Variants in CELF1 observed in about 807,000 individuals in gnomAD.
CELF1 encodes the protein CUGBP Elav-like family member 1.
CELF1 carries 10 observed loss-of-function variants against 61.8 expected under a neutral mutation model. That is an observed-to-expected ratio of 0.16 (90% CI 0.10 to 0.27). CELF1 has a LOEUF of 0.27. Among genes scored for constraint, CELF1 ranks in the 10% least tolerant of loss-of-function variants. The pLI is 1.00. For missense variants in CELF1, 380 were observed against 639.1 expected, an observed-to-expected ratio of 0.59 and a Z score of 4.37; for synonymous variants, 236 against 225.1, an observed-to-expected ratio of 1.05 and a Z score of -0.43.
Position 47,484,533 on chromosome 11 carries a change from T to C in CELF1, c.392-10A>G, listed in dbSNP as rs1304943477. ...TTCCTGTCTTCCACTGCTAAGAGAGTAAAACAGAAAAGACTTGAATATTAC... is the reference window on the plus strand; with the variant it reads ...TTCCTGTCTTCCACTGCTAAGAGAGCAAAACAGAAAAGACTTGAATATTAC... On this transcript the variant is annotated splice_polypyrimidine_tract_variant and intron_variant, in intron 6 of 14. Transcript: ENST00000687097. 6 of 1,599,230 alleles carry C rather than the reference T, an allele frequency of 3.8e-6. No individual in the cohort carries two copies. The Admixed American group carries it at 1.1e-4, about 29-fold the overall frequency.
At chr11:47,551,313 A>G (rs760359315) in intron 1 of CELF1, among the ~76,000 whole-genome samples, 6 of 152,194 alleles carry the variant, frequency 3.9e-5, no homozygotes, top group Admixed American at 1.3e-4. Flanking sequence ...TGTCATGAGG[A>G]AAGAACCACT....
At chr11:47,560,379 A>G (rs2097221446) in intron 2 of CELF1, among the ~76,000 whole-genome samples, 1 of 152,186 alleles carries the variant, frequency 6.6e-6, no homozygotes, top group Admixed American at 6.6e-5. Context: ...GCGCCACTGC[A>G]CTCCAGCCTG....
At chr11:47,504,902 CAA>C (rs374401044) in intron 1 of CELF1, among the ~76,000 whole-genome samples, 53 of 107,840 alleles carry the variant, frequency 4.9e-4, no homozygotes, top group Admixed American at 5.0e-4. Flanking sequence ...ACTCTGTCAC[CAA>C]AAAAAAAAAA....
At chr11:47,474,417 G>A (rs1290186247) in intron 13 of CELF1, among the ~76,000 whole-genome samples, 2 of 152,208 alleles carry the variant, frequency 1.3e-5, no homozygotes, top group African/African-American at 4.8e-5. Context: ...TCAATCTAGA[G>A]AGACATTCTC....
intron 1 of CELF1, among the ~76,000 whole-genome samples, chr11:47,526,850 A>G: frequency 6.6e-6 from 1 of 152,088 alleles, no homozygotes; most frequent in East Asian, 1.9e-4. Flanking sequence ...CAGGAGTTCA[A>G]GACCAGCCTG....
intron 1 of CELF1, among the ~76,000 whole-genome samples, chr11:47,515,364 CTCAG>C (rs2095497817): frequency 6.6e-6 from 1 of 152,192 alleles, no homozygotes. Flanking sequence ...AACCCAAAGG[CTCAG>C]TCATTCAACC....
At chr11:47,481,025 A>G (rs1462669462) in intron 9 of CELF1, among the ~76,000 whole-genome samples, 1 of 145,426 alleles carries the variant, frequency 6.9e-6, no homozygotes, top group Non-Finnish European at 1.5e-5. Flanking sequence ...AACAACCCCA[A>G]CTCTTTATAT....
chr11:47,554,241 T>C (rs902993994), upstream of CELF1, among the ~76,000 whole-genome samples: 1 of 152,214 alleles, frequency 6.6e-6, no homozygotes, highest in African/African-American at 2.4e-5. Flanking sequence ...CCTTAAATTG[T>C]ACATGATCAT....
chr11:47,554,165 A>G (rs533218665), upstream of CELF1, among the ~76,000 whole-genome samples: 1 of 152,262 alleles, frequency 6.6e-6, no homozygotes, highest in South Asian at 2.1e-4. Context: ...AGAAGCCTCA[A>G]GGGTTTTCCT....
At chr11:47,553,726 C>G (rs186583500), upstream of CELF1, among the ~76,000 whole-genome samples, 1 of 152,040 alleles carries the variant, frequency 6.6e-6, no homozygotes, top group East Asian at 1.9e-4. Context: ...TGGCAACGAT[C>G]GCTGCGACAT....
In CELF1 at chr11:47,478,910, G is replaced by A; in HGVS notation, c.811C>T (p.Leu271Phe). Residue 271 changes from leucine to phenylalanine, a missense_variant, in exon 10 of 15, where the codon CTC becomes TTC. Coordinates refer to ENST00000687097, the MANE Select transcript of CELF1 (RefSeq NM_001376376.1). Reference sequence around the variant, plus strand: ...GGGTGGAGGCTGCTCAGGGTGTTGAGGTTCCCAGAGGAGGCAGTCTGCTGA... The same window carrying A: ...GGGTGGAGGCTGCTCAGGGTGTTGAAGTTCCCAGAGGAGGCAGTCTGCTGA... ...LLQQTASSGN[L>F]NTLSSLHPMG... is the part of the protein sequence containing the mutation. 1 of 1,613,266 alleles carries A rather than the reference G, an allele frequency of 6.2e-7. No homozygotes were observed.
At chr11:47,563,276 A>C (rs2097232445) in intron 2 of CELF1, among the ~76,000 whole-genome samples, 1 of 152,204 alleles carries the variant, frequency 6.6e-6, no homozygotes, top group Non-Finnish European at 1.5e-5. Flanking sequence ...TAAACATGTA[A>C]ATCTATACAG....
At chr11:47,519,702 T>C (rs541011548) in intron 1 of CELF1, among the ~76,000 whole-genome samples, 1 of 151,818 alleles carries the variant, frequency 6.6e-6, no homozygotes, top group South Asian at 2.1e-4. Flanking sequence ...AAACCCCTAC[T>C]GAAAATAAAA....
Position 47,489,935 on chromosome 11 carries a change from G to GTTTTTTTTTTATTTTTTTT in CELF1, c.72-912_72-911insAAAAAAAATAAAAAAAAAA, listed in dbSNP as rs2090272731. 4.1e-5 allele frequency among the ~76,000 whole-genome samples: 2 copies of GTTTTTTTTTTATTTTTTTT among 48,226 alleles called. 1 individual carries two copies. The highest frequency in any genetic ancestry group is 7.8e-5 in the Non-Finnish European group (2 of 25,720). 31.6% of individuals were successfully genotyped at this position (48,226 alleles called of 152,430 possible). A position where few individuals can be genotyped will look rare whatever the true frequency, so the allele number is the denominator to read the frequency against. ...GTTTCCACTCAGAACATACCATCTT[G>GTTTTTTTTTTATTTTTTTT]TTTTTTTTTTTTTTTTTTTTGAGAC... On this transcript the variant is annotated intron_variant, in intron 3 of 14. Coordinates refer to ENST00000687097, the MANE Select transcript of CELF1 (RefSeq NM_001376376.1).
chr11:47,479,099 A>C (rs2081544327), intron 9 of CELF1, 147 bp from the exon 10 acceptor site: 10 of 611,088 alleles, frequency 1.6e-5, no homozygotes, highest in Admixed American at 1.1e-4. Flanking sequence ...ACACAACAGA[A>C]ACATGAGGCT....
In CELF1 at chr11:47,558,934, T is replaced by C. The variant is rs199556616; in HGVS notation, c.-11+5417A>G. 1.0e-3 allele frequency among the ~76,000 whole-genome samples: 143 copies of C among 137,822 alleles called. 1 individual carries two copies. The East Asian group carries it at 0.027, about 26-fold the overall frequency. The allele number at this position is 137,822 out of a possible 152,430, so 90.4% of individuals were successfully genotyped here. A position where few individuals can be genotyped will look rare whatever the true frequency, so the allele number is the denominator to read the frequency against. Reference sequence around the variant, plus strand: ...ATAACACATAATATATTGTATATAATGCGGTATGTAATATATTACATATAA... The same window carrying C: ...ATAACACATAATATATTGTATATAACGCGGTATGTAATATATTACATATAA... On this transcript the variant is annotated intron_variant, in intron 2 of 3. Transcript: ENST00000525841.
intron 1 of CELF1, among the ~76,000 whole-genome samples, chr11:47,527,913 T>A (rs2096307555): frequency 6.6e-6 from 1 of 151,976 alleles, no homozygotes; most frequent in African/African-American, 2.4e-5. Flanking sequence ...CTGGCCAACA[T>A]GGTGAAACCC....
At chr11:47,558,553 T>A (rs1487171189) in intron 2 of CELF1, among the ~76,000 whole-genome samples, 27 of 116,376 alleles carry the variant, frequency 2.3e-4, no homozygotes, top group African/African-American at 8.0e-4. Context: ...TTATATTATA[T>A]ATATTTATAT....
At chr11:47,531,426 G>A (rs931693252) in intron 1 of CELF1, among the ~76,000 whole-genome samples, 10 of 152,174 alleles carry the variant, frequency 6.6e-5, no homozygotes, top group Middle Eastern at 6.8e-3. Context: ...AGCATTAGCC[G>A]GGCGTGGTGG....
Sources: allele counts gnomAD v4.1 joint callset (sites outside exome capture counted in the v4.1 genomes callset), GRCh38; gene constraint gnomAD v4.1.1; transcripts MANE v1.5; gene names NCBI Gene and HGNC (gene_info 2026-07-23, HGNC 2026-07-21).